Variants in VPS11 observed in about 807,000 individuals in gnomAD.
VPS11 encodes vacuolar protein sorting-associated protein 11 homolog.
In VPS11, 51 loss-of-function variants were observed where a neutral mutation model predicts 106.8. The ratio of observed to expected loss-of-function variants is 0.48; its 90% CI spans 0.38 to 0.60. The LOEUF (loss-of-function observed/expected upper bound fraction) is 0.60. Ranked by LOEUF, VPS11 falls within the 20% of genes least tolerant of loss-of-function variation. The probability of loss-of-function intolerance (pLI) is 0.00; values close to 1 mark genes in which losing one functional copy is unlikely to be tolerated. For missense variants in VPS11, 950 were observed against 1,190.0 expected, an observed-to-expected ratio of 0.80 and a Z score of 2.97; for synonymous variants, 453 against 458.7, an observed-to-expected ratio of 0.99 and a Z score of 0.16.
chr11:119,073,093 TG>T (rs1945460587), intron 5 of VPS11, 104 bp from the exon 6 acceptor site: 1 of 1,297,396 alleles, frequency 7.7e-7, no homozygotes, highest in East Asian at 2.5e-5. Context: ...ACCAGAGAGG[TG>T]ATTTGTGCTG....
intron 4 of VPS11, 32 bp from the exon 5 acceptor site, chr11:119,071,564 G>T: frequency 6.2e-7 from 1 of 1,609,668 alleles, no homozygotes; most frequent in South Asian, 1.1e-5. Context: ...CTCCTCAAAG[G>T]AGCCTGTTAA....
rs782442679 is a variant in VPS11 at position 119,073,255 on chromosome 11, T to C, written c.942T>C (p.Tyr314=). 6.8e-6 allele frequency: 11 copies of C among 1,613,980 alleles called. No homozygotes were observed. The South Asian group carries it at 1.1e-4, about 16-fold the overall frequency. Residue 314 remains tyrosine (Y), a synonymous_variant, in exon 6 of 16, where the codon TAT becomes TAC. Coordinates refer to ENST00000621676, the MANE Select transcript of VPS11 (RefSeq NM_021729.6). ...CCGACAAGCAGATTCTAAACATCTA[T>C]GACCTGTGCAACAAGTTCATAGCCT... ...QSSDKQILNI[Y]DLCNKFIAYS...
intron 4 of VPS11, 71 bp downstream of exon 4, chr11:119,070,468 T>G: frequency 2.8e-6 from 4 of 1,425,906 alleles, no homozygotes; most frequent in African/African-American, 1.4e-5. Context: ...GATAGGGTAA[T>G]GAAGTGACAG....
rs1945866028 is a variant in VPS11 at position 119,081,903 on chromosome 11, C to G, written c.*280C>G. ...GACAATAGCTGCTTTCTTCTCTATCCAAGAGCACCAGGCTGTGCTTGGGTC... is the reference window on the plus strand; with the variant it reads ...GACAATAGCTGCTTTCTTCTCTATCGAAGAGCACCAGGCTGTGCTTGGGTC... On this transcript the variant is annotated 3_prime_UTR_variant, in exon 16 of 16. Coordinates refer to ENST00000621676, the MANE Select transcript of VPS11 (RefSeq NM_021729.6). The G allele has an allele frequency of 2.3e-6, 1 of 435,104 alleles. No homozygotes were observed. The highest frequency in any genetic ancestry group is 3.8e-5 in the East Asian group (1 of 26,386). The allele number at this position is 435,104 out of a possible 1,614,324, so 27.0% of individuals were successfully genotyped here.
intron 6 of VPS11, 54 bp downstream of exon 6, chr11:119,073,453 G>C (rs751964211): frequency 1.1e-5 from 17 of 1,585,224 alleles, no homozygotes; most frequent in Non-Finnish European, 1.5e-5. Context: ...GCAGCTGCAG[G>C]AGCAGGTTCC....
Position 119,078,333 on chromosome 11 carries a change from A to G in VPS11, c.1922A>G (p.Gln641Arg). 6.2e-7 allele frequency: 1 copy of G among 1,609,804 alleles called. No individual in the cohort carries two copies. Among genetic ancestry groups the G allele is most frequent in the Non-Finnish European group, 8.5e-7 (1 of 1,179,816 alleles). The change falls in exon 11 of 16, where the codon CAG becomes CGG. Residue 641 changes from glutamine (Q) to arginine (R), a missense_variant and splice_region_variant. Physicochemically the swap from Gln to Arg is conservative, Grantham distance 43. Transcript: ENST00000621676. ...LQNWAHEKDP[Q>R]VKEKLHAEAI... Reference sequence around the variant, plus strand: ...AACTGGGCCCACGAGAAGGATCCACAGGTGAGGCCTGGCCAGGGCTTCAGG... The same window carrying G: ...AACTGGGCCCACGAGAAGGATCCACGGGTGAGGCCTGGCCAGGGCTTCAGG...
chr11:119,081,373 G>C (rs1223021347), intron 15 of VPS11, 59 bp downstream of exon 15: 4 of 1,611,164 alleles, frequency 2.5e-6, no homozygotes, highest in Non-Finnish European at 3.4e-6. Context: ...AGAGTCACTG[G>C]AGGGCTTGTT....
Position 119,077,629 on chromosome 11 carries a change from C to T in VPS11, c.1554C>T (p.Ile518=), listed in dbSNP as rs1945677782. ...CACATCATGAGTGGTACCTGAAGATCCAGCTAGAAGACATTAAGGTAGGTG... is the reference window on the plus strand; with the variant it reads ...CACATCATGAGTGGTACCTGAAGATTCAGCTAGAAGACATTAAGGTAGGTG... ...NHAHHEWYLK[I]QLEDIKNYQE... The change falls in exon 9 of 16, where the codon ATC becomes ATT. Residue 518 remains isoleucine (I), a synonymous_variant. Coordinates refer to ENST00000621676, the MANE Select transcript of VPS11 (RefSeq NM_021729.6). 17 of 1,605,706 alleles carry T rather than the reference C, an allele frequency of 1.1e-5. No individual in the cohort carries two copies. Among genetic ancestry groups the T allele is most frequent in the Non-Finnish European group, 1.4e-5 (17 of 1,175,754 alleles).
At chr11:119,071,949 C>G in intron 5 of VPS11, 106 bp downstream of exon 5, 1 of 1,416,234 alleles carries the variant, frequency 7.1e-7, no homozygotes, top group Non-Finnish European at 9.6e-7. Flanking sequence ...CCTACTCCTA[C>G]TCCGGTGTTA....
chr11:119,079,111 C>T lies in VPS11; in HGVS notation c.2267-18C>T. 1.2e-6 allele frequency: 2 copies of T among 1,612,912 alleles called. No individual in the cohort carries two copies. Among genetic ancestry groups the T allele is most frequent in the Admixed American group, 1.7e-5 (1 of 59,994 alleles). On this transcript the variant is annotated intron_variant, in intron 13 of 15. Transcript: ENST00000621676. ...CACGTGGTTGATTGTCTTGTTTCCT[C>T]TTGGACCCCAATCTCAGTGGTGCAG...
chr11:119,078,979 C>G lies in VPS11; in HGVS notation c.2248C>G (p.Leu750Val), dbSNP rs782636542. 61 of 1,614,048 alleles carry G rather than the reference C, an allele frequency of 3.8e-5. No individual in the cohort carries two copies. Among genetic ancestry groups the G allele is most frequent in the Non-Finnish European group, 5.0e-5 (59 of 1,179,896 alleles). The change falls in exon 13 of 16, where the codon CTC becomes GTC. Residue 750 changes from leucine to valine, a missense_variant. By Grantham distance (32) the Leu-to-Val change is conservative (BLOSUM62 1). Transcript: ENST00000621676. ...AVLKHIENKN[L>V]MPPLLVVQTL... ...CCTCAAGCATATCGAGAACAAGAAC[C>G]TCATGCCACCTCTTCTAGGTACTTG...
intron 5 of VPS11, 162 bp downstream of exon 5, chr11:119,072,005 C>T (rs1784462): frequency 1.0e-6 from 1 of 964,938 alleles, no homozygotes; most frequent in African/African-American, 1.7e-5. Flanking sequence ...GAGTCTCGCT[C>T]TGTCACCCAG....
chr11:119,080,371 T>A (rs1191297086), intron 14 of VPS11, among the ~76,000 whole-genome samples: 6 of 150,492 alleles, frequency 4.0e-5, no homozygotes, highest in Admixed American at 3.3e-4. Flanking sequence ...TAGGCAAATT[T>A]TTTTTTTCTT....
intron 14 of VPS11, among the ~76,000 whole-genome samples, chr11:119,080,423 T>G (rs972015436): frequency 2.0e-5 from 3 of 147,782 alleles, no homozygotes; most frequent in African/African-American, 7.5e-5. Flanking sequence ...CGCTGGAGTG[T>G]GATGGCGCAA....
Position 119,078,281 on chromosome 11 carries a change from G to A in VPS11, c.1870G>A (p.Asp624Asn), listed in dbSNP as rs761438612. 13 of 1,613,184 alleles carry A rather than the reference G, an allele frequency of 8.1e-6. No individual in the cohort carries two copies. Among genetic ancestry groups the A allele is most frequent in the East Asian group, 2.2e-5 (1 of 44,894 alleles). The change falls in exon 11 of 16, where the codon GAC (aspartate) becomes AAC (asparagine). Residue 624 changes from aspartate to asparagine, a missense_variant. Around this residue, in one of 3 missense-constraint regions of VPS11, gnomAD observed 453 missense variants for 514.6 expected, o/e 0.88. Coordinates refer to ENST00000621676, the MANE Select transcript of VPS11 (RefSeq NM_021729.6). ...GCCAGACTCACCCCAGGGGATCTAC[G>A]ACACACTCCTTGAGCTGCGACTGCA... ...VQPDSPQGIY[D>N]TLLELRLQNW... is the part of the protein sequence containing the mutation.
chr11:119,071,628 C>T lies in VPS11; in HGVS notation c.669C>T (p.Arg223=), dbSNP rs782352522. 78 of 1,613,890 alleles carry T rather than the reference C, an allele frequency of 4.8e-5. No individual in the cohort carries two copies. Among genetic ancestry groups the T allele is most frequent in the Admixed American group, 4.3e-4 (26 of 59,982 alleles). ...TAGTTTCTGGAAAAGACTACCCTCG[C>T]GTGGAGTTGGACACCCATGGTTGTG... ...SYIVSGKDYP[R]VELDTHGCGL... is the part of the protein sequence containing the mutation. The change falls in exon 5 of 16, where the codon CGC becomes CGT. Residue 223 remains arginine, a synonymous_variant. Coordinates refer to ENST00000621676, the MANE Select transcript of VPS11 (RefSeq NM_021729.6).
At chr11:119,073,441 AAGC>A (rs782347980) in intron 6 of VPS11, 42 bp downstream of exon 6, 1 of 1,598,590 alleles carries the variant, frequency 6.3e-7, no homozygotes, top group Non-Finnish European at 8.5e-7. Context: ...AGGCACCTAG[AAGC>A]AGCTGCAGGA....
chr11:119,073,770 A>G (rs1439070492), intron 6 of VPS11, 30 bp from the exon 7 acceptor site: 1 of 1,594,140 alleles, frequency 6.3e-7, no homozygotes. Flanking sequence ...GACCACTTCT[A>G]CCAATTTTCT....
At chr11:119,073,640 A>T in intron 6 of VPS11, 160 bp from the exon 7 acceptor site, 2 of 912,622 alleles carry the variant, frequency 2.2e-6, no homozygotes, top group Middle Eastern at 3.4e-4. Context: ...ATGAAATAAG[A>T]TGATACTGAT....
Sources: allele counts gnomAD v4.1 joint callset (sites outside exome capture counted in the v4.1 genomes callset), GRCh38; gene constraint gnomAD v4.1.1; regional missense constraint gnomAD v4.1.1; transcripts MANE v1.5; gene names NCBI Gene and HGNC (gene_info 2026-07-23, HGNC 2026-07-21).